Variants in LIFR observed in about 807,000 individuals in gnomAD.
LIFR encodes the protein LIF receptor subunit alpha.
LIFR carries 84 observed loss-of-function variants against 122.2 expected under a neutral mutation model. The ratio of observed to expected loss-of-function variants is 0.69; its 90% CI spans 0.58 to 0.82. LIFR has a LOEUF of 0.82. Ranked by LOEUF, LIFR falls within the 40% of genes least tolerant of loss-of-function variation. The pLI is 0.00. For missense variants in LIFR, 1,294 were observed against 1,311.6 expected (o/e 0.99, Z 0.21); for synonymous variants, 422 against 434.7 (o/e 0.97, Z 0.36).
Position 38,556,617 on chromosome 5 carries a change from C to T in LIFR, c.-303G>A, listed in dbSNP as rs1316372278. ...TCCCAGAGGCAACGGTAACGGCCAC[C>T]GCCACGGCCGAGTCGCTCCAGCCGG... On this transcript the variant is annotated 5_prime_UTR_variant, in exon 1 of 20. Coordinates refer to ENST00000453190, the MANE Select transcript of LIFR (RefSeq NM_001127671.2). 1 of 148,816 alleles carries T rather than the reference C, an allele frequency of 6.7e-6. No individual in the cohort carries two copies. Among genetic ancestry groups the T allele is most frequent in the Non-Finnish European group, 1.5e-5 (1 of 66,832 alleles). 9.2% of individuals were successfully genotyped at this position (148,816 alleles called of 1,614,324 possible).
intron 3 of LIFR, 154 bp downstream of exon 3, chr5:38,528,572 G>A (rs1746815321): frequency 3.0e-6 from 2 of 676,560 alleles, no homozygotes; most frequent in Admixed American, 4.2e-5. Context: ...GTGCCCTACA[G>A]GAGAAAAATG....
At chr5:38,486,798 C>T (rs376536142) in intron 16 of LIFR, among the ~76,000 whole-genome samples, 151 of 152,214 alleles carry the variant, frequency 9.9e-4, no homozygotes, top group African/African-American at 2.6e-3. Flanking sequence ...AGCTCTTTTA[C>T]GCTACCATCA....
At chr5:38,553,623 TATA>T (rs1748327976) in intron 1 of LIFR, among the ~76,000 whole-genome samples, 1 of 3,100 alleles carries the variant, frequency 3.2e-4, no homozygotes, top group Non-Finnish European at 5.8e-4. Flanking sequence ...CCATTTAAAC[TATA>T]TATATATATA....
At chr5:38,485,579 G>T in intron 17 of LIFR, 1 of 571,508 alleles carries the variant, frequency 1.7e-6, no homozygotes, top group Admixed American at 3.0e-5. Context: ...CTAGACTTCA[G>T]ATGTATCCCA....
At chr5:38,513,018 C>T (rs1745884606) in intron 5 of LIFR, among the ~76,000 whole-genome samples, 1 of 151,980 alleles carries the variant, frequency 6.6e-6, no homozygotes, top group African/African-American at 2.4e-5. Context: ...GAGAAATGAG[C>T]AAGATTTCAA....
At chr5:38,511,451 G>C (rs752831360) in intron 6 of LIFR, among the ~76,000 whole-genome samples, 19 of 151,782 alleles carry the variant, frequency 1.3e-4, no homozygotes, top group Non-Finnish European at 2.6e-4. Flanking sequence ...TGCTCTGTGA[G>C]CCAGAAATTG....
chr5:38,546,821 C>G (rs1424620521), intron 1 of LIFR, among the ~76,000 whole-genome samples: 29 of 152,222 alleles, frequency 1.9e-4, no homozygotes, highest in Non-Finnish European at 1.5e-5. Context: ...AGCAATGCAG[C>G]CTGTGGAATG....
At chr5:38,493,521 G>T in intron 14 of LIFR, 85 bp downstream of exon 14, 1 of 1,304,158 alleles carries the variant, frequency 7.7e-7, no homozygotes, top group Non-Finnish European at 1.1e-6. Context: ...GCAGTAAAGA[G>T]AATCACTTCA....
intron 3 of LIFR, 51 bp downstream of exon 3, chr5:38,528,675 G>A (rs376767039): frequency 3.6e-5 from 39 of 1,074,478 alleles, no homozygotes; most frequent in African/African-American, 4.7e-5. Flanking sequence ...ACTGAGGGTC[G>A]TTTCTGCAAT....
At chr5:38,521,264 A>T (rs1037066024) in intron 5 of LIFR, among the ~76,000 whole-genome samples, 2 of 152,042 alleles carry the variant, frequency 1.3e-5, no homozygotes, top group African/African-American at 4.8e-5. Context: ...TCATTTTTCT[A>T]TATTGATTTT....
chr5:38,598,104 G>A (rs1033277731), upstream of LIFR, among the ~76,000 whole-genome samples: 6 of 151,872 alleles, frequency 4.0e-5, no homozygotes, highest in South Asian at 8.4e-4. Flanking sequence ...GATTCACATG[G>A]TGGGATCTTT....
chr5:38,598,260 CTTT>C (rs1561235602), upstream of LIFR, among the ~76,000 whole-genome samples: 3 of 27,894 alleles, frequency 1.1e-4, no homozygotes, highest in Non-Finnish European at 1.9e-4. Flanking sequence ...TTTTTTTTTT[CTTT>C]TTAGAGGGAG....
In LIFR at chr5:38,481,667, A is replaced by G; in HGVS notation, c.3222T>C (p.Asp1074=). The G allele has an allele frequency of 2.5e-6, 4 of 1,614,156 alleles. 1 individual carries two copies. The highest frequency in any genetic ancestry group is 2.2e-5 in the South Asian group (2 of 91,084). Reference sequence around the variant, plus strand: ...CTCCATTAGATTTAGGAGAGTCTTCATCTTTAGGAGGAATCAAAAATTGTC... The same window carrying G: ...CTCCATTAGATTTAGGAGAGTCTTCGTCTTTAGGAGGAATCAAAAATTGTC... The part of the protein sequence containing the change: ...NSRQFLIPPK[D]EDSPKSNGGG... Residue 1074 remains aspartate, a synonymous_variant, in exon 20 of 20, where the codon GAT becomes GAC. Coordinates refer to ENST00000453190, the MANE Select transcript of LIFR (RefSeq NM_001127671.2).
At chr5:38,511,350 T>C (rs1745791947) in intron 6 of LIFR, among the ~76,000 whole-genome samples, 2 of 152,204 alleles carry the variant, frequency 1.3e-5, no homozygotes, top group African/African-American at 2.4e-5. Flanking sequence ...ACATTCTCCC[T>C]GTATATGAGT....
chr5:38,530,838 G>A (rs1050051746), intron 1 of LIFR, 172 bp from the exon 2 acceptor site: 11 of 622,380 alleles, frequency 1.8e-5, no homozygotes, highest in Admixed American at 2.7e-5. Context: ...ATCAATAATT[G>A]GACACAGCTG....
At chr5:38,486,844 CG>C (rs1215832487) in intron 16 of LIFR, among the ~76,000 whole-genome samples, 1 of 152,120 alleles carries the variant, frequency 6.6e-6, no homozygotes, top group East Asian at 1.9e-4. Context: ...ATAGAAACAT[CG>C]GAACTTTTGA....
At chr5:38,540,374 C>A (rs1446503598) in intron 1 of LIFR, among the ~76,000 whole-genome samples, 1 of 152,212 alleles carries the variant, frequency 6.6e-6, no homozygotes, top group Non-Finnish European at 1.5e-5. Context: ...GGGGGAAACA[C>A]CACCTGCTCT....
intron 16 of LIFR, among the ~76,000 whole-genome samples, chr5:38,488,502 A>G (rs1744405522): frequency 6.6e-6 from 1 of 152,240 alleles, no homozygotes; most frequent in Non-Finnish European, 1.5e-5. Context: ...GAAAAGCCAG[A>G]AATCTGTACA....
chr5:38,500,787 A>T (rs1040169482), intron 11 of LIFR, among the ~76,000 whole-genome samples: 2 of 152,180 alleles, frequency 1.3e-5, no homozygotes, highest in Non-Finnish European at 1.5e-5. Context: ...AATAATCCCC[A>T]TGTGCGTGGT....
Sources: allele counts gnomAD v4.1 joint callset (sites outside exome capture counted in the v4.1 genomes callset), GRCh38; gene constraint gnomAD v4.1.1; transcripts MANE v1.5; gene names NCBI Gene and HGNC (gene_info 2026-07-23, HGNC 2026-07-21).